CDH4: variants seen among roughly 807,000 people sequenced by gnomAD.
CDH4 encodes the protein cadherin-4.
Under a neutral mutation model 86.0 loss-of-function variants are expected in CDH4, and 33 were observed. The observed-to-expected ratio is 0.38, with a 90% CI of 0.29 to 0.51. CDH4 has a LOEUF of 0.51. Among genes scored for constraint, CDH4 ranks in the 20% least tolerant of loss-of-function variants. The probability of loss-of-function intolerance (pLI) is 0.86; values close to 1 mark genes in which losing one functional copy is unlikely to be tolerated. For synonymous variants in CDH4, 555 were observed against 549.4 expected (o/e 1.01, Z -0.14); for missense variants, 1,114 against 1,307.4 (o/e 0.85, Z 2.28).
intron 14 of CDH4, 150 bp from the exon 15 acceptor site, chr20:61,933,905 AG>A (rs1430384518): frequency 1.2e-6 from 1 of 824,828 alleles, no homozygotes; most frequent in Non-Finnish European, 1.9e-6. Context: ...GGGGCACAGC[AG>A]GGGACAGCAT....
chr20:61,371,006 G>A (rs1052165260), intron 2 of CDH4, among the ~76,000 whole-genome samples: 7 of 152,262 alleles, frequency 4.6e-5, no homozygotes, highest in African/African-American at 1.7e-4. Flanking sequence ...TCCTGGGAAC[G>A]GGGCGGGAGC....
intron 2 of CDH4, among the ~76,000 whole-genome samples, chr20:61,723,183 A>G (rs949492319): frequency 3.3e-5 from 5 of 152,154 alleles, no homozygotes; most frequent in Admixed American, 2.6e-4. Flanking sequence ...GTCCTCAGCA[A>G]TATCCTCACA....
At chr20:61,606,681 T>A (rs1414886682) in intron 2 of CDH4, among the ~76,000 whole-genome samples, 1 of 152,222 alleles carries the variant, frequency 6.6e-6, no homozygotes, top group Non-Finnish European at 1.5e-5. Flanking sequence ...CTCAGTTGTG[T>A]AGATTGGAGG....
intron 4 of CDH4, among the ~76,000 whole-genome samples, chr20:61,797,959 G>A (rs1979622956): frequency 1.3e-5 from 2 of 152,190 alleles, no homozygotes; most frequent in Admixed American, 6.5e-5. Flanking sequence ...TGTGTGCTGG[G>A]GGACAGTGCT....
intron 2 of CDH4, among the ~76,000 whole-genome samples, chr20:61,647,574 C>CCTCA (rs2087078045): frequency 1.0e-5 from 1 of 96,282 alleles, no homozygotes; most frequent in Non-Finnish European, 2.3e-5. Flanking sequence ...CCTCTCCCTC[C>CCTCA]CTCCCCCTCT....
At chr20:61,402,544 A>G (rs2085055359) in intron 2 of CDH4, among the ~76,000 whole-genome samples, 1 of 152,072 alleles carries the variant, frequency 6.6e-6, no homozygotes, top group Admixed American at 6.6e-5. Flanking sequence ...GGTGCACACC[A>G]CCATGCCCTG....
intron 4 of CDH4, among the ~76,000 whole-genome samples, chr20:61,833,810 A>G (rs893490051): frequency 3.3e-5 from 5 of 152,192 alleles, no homozygotes; most frequent in Non-Finnish European, 7.4e-5. Flanking sequence ...ACTCTTGGCA[A>G]CAGCTCTGCA....
intron 2 of CDH4, among the ~76,000 whole-genome samples, chr20:61,627,698 C>A (rs1159310653): frequency 6.9e-6 from 1 of 145,330 alleles, no homozygotes; most frequent in Non-Finnish European, 1.5e-5. Flanking sequence ...GTGCCTCCCG[C>A]CCCCCGACTC....
chr20:61,879,630 G>A lies in CDH4; in HGVS notation c.1050+5730G>A, dbSNP rs565688950. Among the ~76,000 whole-genome samples the A allele has an allele frequency of 1.1e-3, 175 of 152,268 alleles. No homozygotes were observed. In the Middle Eastern group the frequency reaches 0.014, roughly 12 times the overall value. On this transcript the variant is annotated intron_variant, in intron 7 of 15. Transcript: ENST00000614565. This position sits in a 1 kb window ranked among gnomAD's most constrained non-coding sequence, Gnocchi z 4.1. ...TTCAAGTGTCTCTCGTGTACCAGCC[G>A]AAGATGCCCCACTTGCTAATCCTAT...
At chr20:61,563,591 C>T (rs981799938) in intron 2 of CDH4, among the ~76,000 whole-genome samples, 2 of 152,212 alleles carry the variant, frequency 1.3e-5, no homozygotes, top group African/African-American at 2.4e-5. Flanking sequence ...TTCCACTACC[C>T]GTGGAGTCCA....
chr20:61,579,947 TA>T (rs11476139), intron 2 of CDH4, among the ~76,000 whole-genome samples: 16,851 of 148,566 alleles, frequency 0.11, 2,128 homozygotes, highest in African/African-American at 0.31. Flanking sequence ...TTTCTGAATT[TA>T]AAAAAAAAAG....
At chr20:61,745,998 G>A (rs1245867989) in intron 3 of CDH4, among the ~76,000 whole-genome samples, 3 of 152,236 alleles carry the variant, frequency 2.0e-5, no homozygotes, top group Non-Finnish European at 2.9e-5. Flanking sequence ...ACCCACACCA[G>A]GCTGGTGCAG....
At chr20:61,478,057 C>T (rs1220212159) in intron 2 of CDH4, among the ~76,000 whole-genome samples, 1 of 152,172 alleles carries the variant, frequency 6.6e-6, no homozygotes, top group Non-Finnish European at 1.5e-5. Context: ...CTGACATTCC[C>T]TTCAGTCTAC....
At chr20:61,733,432 G>T (rs891701391) in intron 2 of CDH4, among the ~76,000 whole-genome samples, 1 of 152,038 alleles carries the variant, frequency 6.6e-6, no homozygotes, top group Non-Finnish European at 1.5e-5. Flanking sequence ...CGACTTTCTG[G>T]GTCTGCTCCC....
chr20:61,869,870 C>T (rs150063954), intron 6 of CDH4, among the ~76,000 whole-genome samples: 4,566 of 152,308 alleles, frequency 0.03, 99 homozygotes, highest in Non-Finnish European at 0.046. Flanking sequence ...AAATGCCACT[C>T]CACATTCCAT....
chr20:61,780,871 C>T (rs911953442), intron 4 of CDH4, among the ~76,000 whole-genome samples: 9 of 152,136 alleles, frequency 5.9e-5, no homozygotes, highest in African/African-American at 1.9e-4. Flanking sequence ...AAGCCACAGA[C>T]GTGCTGGTCA....
intron 2 of CDH4, among the ~76,000 whole-genome samples, chr20:61,322,000 A>C (rs2084511379): frequency 6.6e-6 from 1 of 152,140 alleles, no homozygotes. Context: ...AGGTGGGGAA[A>C]CTGAGGCTCA....
At chr20:61,588,466 A>G (rs2086494595) in intron 2 of CDH4, among the ~76,000 whole-genome samples, 1 of 152,318 alleles carries the variant, frequency 6.6e-6, no homozygotes, top group East Asian at 1.9e-4. Context: ...GAGAAAGAAA[A>G]AAAGAAAGAT....
At chr20:61,660,317 TCAAA>T (rs532119240) in intron 2 of CDH4, among the ~76,000 whole-genome samples, 208 of 152,344 alleles carry the variant, frequency 1.4e-3, no homozygotes, top group African/African-American at 4.6e-3. Context: ...TCTCTTCTTA[TCAAA>T]CAAAGAGTGT....
Sources: allele counts gnomAD v4.1 joint callset (sites outside exome capture counted in the v4.1 genomes callset), GRCh38; gene constraint gnomAD v4.1.1; non-coding constraint Gnocchi (gnomAD v3.1); transcripts MANE v1.5; gene names NCBI Gene and HGNC (gene_info 2026-07-23, HGNC 2026-07-21).